The following CYP46A1 variants were observed in gnomAD, a reference collection of about 807,000 sequenced individuals.
CYP46A1 encodes cytochrome P450 family 46 subfamily A member 1.
CYP46A1 carries 20 observed loss-of-function variants against 63.3 expected under a neutral mutation model. That is an observed-to-expected ratio of 0.32 (90% confidence interval 0.22 to 0.46). The LOEUF is 0.46. CYP46A1 is among the 20% of genes least tolerant of loss of function. The pLI, the probability that CYP46A1 is intolerant of heterozygous loss-of-function variation, is 1.00. For missense variants in CYP46A1, 445 were observed against 670.8 expected (o/e 0.66, Z 3.72); for synonymous variants, 268 against 273.6 (o/e 0.98, Z 0.20).
In CYP46A1 at chr14:99,726,720, C is replaced by G; in HGVS notation, c.1496C>G (p.Pro499Arg). The G allele has an allele frequency of 6.5e-7, 1 of 1,529,006 alleles. No homozygotes were observed. The highest frequency in any genetic ancestry group is 8.8e-7 in the Non-Finnish European group (1 of 1,136,526). 94.7% of individuals were successfully genotyped at this position (1,529,006 alleles called of 1,614,324 possible). A position where few individuals can be genotyped will look rare whatever the true frequency, so the allele number is the denominator to read the frequency against. The change falls in exon 15 of 15, where the codon CCC becomes CGC. Residue 499 changes from proline to arginine, a missense_variant. Transcript: ENST00000261835. ...TGGCAGCCCGCACCCCCACCACCCCCCTGCTGAGGGGGCCTCCAGGCAGGA... is the reference window on the plus strand; with the variant it reads ...TGGCAGCCCGCACCCCCACCACCCCGCTGCTGAGGGGGCCTCCAGGCAGGA... ...RGWQPAPPPP[P>R]C
At chr14:99,716,716 A>G (rs1055291782) in intron 9 of CYP46A1, among the ~76,000 whole-genome samples, 1 of 152,138 alleles carries the variant, frequency 6.6e-6, no homozygotes, top group Non-Finnish European at 1.5e-5. Flanking sequence ...TAAGCTGTTT[A>G]TTTATTTGTG....
intron 3 of CYP46A1, among the ~76,000 whole-genome samples, chr14:99,692,744 C>T (rs1025152762): frequency 1.3e-5 from 2 of 151,714 alleles, no homozygotes; most frequent in South Asian, 2.1e-4. Context: ...GCAGGAGAAT[C>T]GCTTGAACCC....
At chr14:99,720,041 C>T (rs2056831211) in intron 10 of CYP46A1, among the ~76,000 whole-genome samples, 2 of 151,838 alleles carry the variant, frequency 1.3e-5, no homozygotes, top group Non-Finnish European at 2.9e-5. Context: ...GGATTACAGG[C>T]ATGAGCCACC....
At chr14:99,710,062 C>G (rs1038553670) in intron 7 of CYP46A1, 1 of 152,114 alleles carries the variant, frequency 6.6e-6, no homozygotes, top group African/African-American at 2.4e-5. Context: ...TAGACTGGCC[C>G]TACAAGAAAT....
intron 7 of CYP46A1, chr14:99,711,376 A>T (rs1157722129): frequency 6.6e-6 from 1 of 152,042 alleles, no homozygotes; most frequent in Non-Finnish European, 1.5e-5. Context: ...TTTGGAAAAG[A>T]TAAAATCAAT....
chr14:99,706,836 G>A lies in CYP46A1; in HGVS notation c.582+51G>A, dbSNP rs146320341. The A allele has an allele frequency of 1.2e-5, 19 of 1,591,792 alleles. No homozygotes were observed. The African/African-American group carries it at 2.4e-4, about 20-fold the overall frequency. ...GGCCAGGAGGGCCACATGGGGTAGA[G>A]GGGTCTCTTCTCTCCCTCTTCCCTT... On this transcript the variant is annotated intron_variant, in intron 6 of 14. Transcript: ENST00000261835.
rs992561936 is a variant in CYP46A1 at position 99,722,454 on chromosome 14, C to T, written c.1176+388C>T. 6.6e-6 allele frequency among the ~76,000 whole-genome samples: 1 copy of T among 152,148 alleles called. No homozygotes were observed. Among genetic ancestry groups the T allele is most frequent in the Non-Finnish European group, 1.5e-5 (1 of 68,036 alleles). ...TCACGTTTTACAGCCCTTTCTCTCT[C>T]GGCTTTCTCCCCAGACCTCCTTTAT... On this transcript the variant is annotated intron_variant, in intron 12 of 14. Coordinates refer to ENST00000261835, the MANE Select transcript of CYP46A1 (RefSeq NM_006668.2). This position sits in a 1 kb window ranked among gnomAD's most constrained non-coding sequence, Gnocchi z 4.6.
At chr14:99,719,194 T>C (rs1595204826) in intron 10 of CYP46A1, among the ~76,000 whole-genome samples, 2 of 152,074 alleles carry the variant, frequency 1.3e-5, no homozygotes, top group South Asian at 4.1e-4. Context: ...GGCATTCACA[T>C]TGTGAATGTC....
At chr14:99,709,822 T>C (rs2056713450) in intron 7 of CYP46A1, 1 of 152,052 alleles carries the variant, frequency 6.6e-6, no homozygotes, top group Admixed American at 6.5e-5. Flanking sequence ...CAGAGAGAAT[T>C]TTAAAAACAG....
intron 7 of CYP46A1, chr14:99,710,684 T>C (rs2056721770): frequency 2.0e-5 from 3 of 152,156 alleles, no homozygotes; most frequent in South Asian, 4.1e-4. Context: ...AAAGCAAAGA[T>C]CTAAAGGAAA....
rs57410569 is a variant in CYP46A1 at position 99,687,983 on chromosome 14, GT to G, written c.120-3090del. Among the ~76,000 whole-genome samples the G allele has an allele frequency of 6.1e-4, 91 of 149,714 alleles. 2 individuals carry two copies. The South Asian group carries it at 0.015, about 24-fold the overall frequency. ...CCCCTGCAGGTGCCAGAAGGAATGGGTTTTTTTTCCCCTTTCTTGGTGGGCC... is the reference window on the plus strand; with the variant it reads ...CCCCTGCAGGTGCCAGAAGGAATGGGTTTTTTTCCCCTTTCTTGGTGGGCC... On this transcript the variant is annotated intron_variant, in intron 1 of 14. Coordinates refer to ENST00000261835, the MANE Select transcript of CYP46A1 (RefSeq NM_006668.2).
chr14:99,686,182 C>CT (rs2056492645), intron 1 of CYP46A1, among the ~76,000 whole-genome samples: 1 of 152,132 alleles, frequency 6.6e-6, no homozygotes, highest in Non-Finnish European at 1.5e-5. Flanking sequence ...GTGGTGGACA[C>CT]TATCACCCTC....
chr14:99,688,777 C>T (rs1003245151), intron 1 of CYP46A1, among the ~76,000 whole-genome samples: 6 of 152,144 alleles, frequency 3.9e-5, no homozygotes, highest in Non-Finnish European at 7.3e-5. Flanking sequence ...TGCCCCATAC[C>T]TCTCCACCAA....
chr14:99,688,744 C>G (rs2056517726), intron 1 of CYP46A1, among the ~76,000 whole-genome samples: 1 of 152,184 alleles, frequency 6.6e-6, no homozygotes, highest in Non-Finnish European at 1.5e-5. Flanking sequence ...TTGGGCCTCC[C>G]TTTTCTCCCC....
At position 99,691,760 on chromosome 14, in the gene CYP46A1, C is replaced by A. The variant is rs772474629; in HGVS notation, c.201-20C>A. ...ACCTCAGGTGGTTGACAGTTTCCTT[C>A]GGGTCACTTTGGTTTCCAGGGCTAA... is the stretch of plus-strand genomic sequence containing the variant. On this transcript the variant is annotated intron_variant, in intron 2 of 14. Transcript: ENST00000261835. 1 of 1,613,444 alleles carries A rather than the reference C, an allele frequency of 6.2e-7. No homozygotes were observed. Among genetic ancestry groups the A allele is most frequent in the Non-Finnish European group, 8.5e-7 (1 of 1,179,406 alleles).
intron 1 of CYP46A1, 195 bp downstream of exon 1, chr14:99,684,731 A>C: frequency 1.5e-6 from 1 of 650,902 alleles, no homozygotes; most frequent in Non-Finnish European, 2.8e-6. Context: ...CTGGGCGCCC[A>C]CCGCGCACAG....
At chr14:99,700,889 C>T (rs145630080) in intron 5 of CYP46A1, among the ~76,000 whole-genome samples, 81 of 152,258 alleles carry the variant, frequency 5.3e-4, no homozygotes, top group African/African-American at 1.8e-3. Context: ...CCTGTTATTG[C>T]CCCTGAAGAC....
At chr14:99,693,222 A>C (rs957121315) in intron 3 of CYP46A1, 1 of 153,058 alleles carries the variant, frequency 6.5e-6, no homozygotes, top group South Asian at 2.1e-4. Flanking sequence ...TGACTCTGAG[A>C]GGGATAAAAT....
At chr14:99,701,535 A>G (rs528439401) in intron 5 of CYP46A1, among the ~76,000 whole-genome samples, 29 of 152,202 alleles carry the variant, frequency 1.9e-4, no homozygotes, top group Admixed American at 3.9e-4. Context: ...AGGTTTGTGT[A>G]AGTATACTCT....
Sources: gnomAD v4.1 joint callset for allele counts (sites outside exome capture counted in the v4.1 genomes callset) on GRCh38, gnomAD v4.1.1 for gene constraint, Gnocchi (gnomAD v3.1) non-coding constraint, MANE v1.5 for transcripts, NCBI Gene and HGNC (gene_info 2026-07-23, HGNC 2026-07-21) for gene names.